FAM13A: variants seen among roughly 807,000 people sequenced by gnomAD.
FAM13A encodes family with sequence similarity 13 member A, also known as protein FAM13A.
In FAM13A, 76 loss-of-function variants were observed where a neutral mutation model predicts 129.6. The ratio of observed to expected loss-of-function variants is 0.59; its 90% confidence interval spans 0.49 to 0.71. The LOEUF is 0.71. FAM13A is among the 30% of genes least tolerant of loss of function. FAM13A has a pLI of 0.00. For missense variants in FAM13A, 1,108 were observed against 1,249.3 expected (o/e 0.89, Z 1.70); for synonymous variants, 443 against 449.9 (o/e 0.98, Z 0.20).
intron 6 of FAM13A, among the ~76,000 whole-genome samples, chr4:88,900,383 A>C (rs1747096341): frequency 6.6e-6 from 1 of 152,018 alleles, no homozygotes; most frequent in African/African-American, 2.4e-5. Flanking sequence ...AAAAATGTTA[A>C]GGGCAGCCAA....
At chr4:88,780,527 A>C (rs1270566834) in intron 11 of FAM13A, among the ~76,000 whole-genome samples, 1 of 152,164 alleles carries the variant, frequency 6.6e-6, no homozygotes, top group East Asian at 1.9e-4. Context: ...TTAAGGAAGA[A>C]GGATGATGAA....
At chr4:88,950,571 T>C (rs1038117193) in intron 4 of FAM13A, among the ~76,000 whole-genome samples, 2 of 152,182 alleles carry the variant, frequency 1.3e-5, no homozygotes, top group Admixed American at 6.5e-5. Context: ...ATCAATAGTA[T>C]AGAAGTAAGA....
At chr4:88,800,773 G>C (rs1245119674) in intron 8 of FAM13A, among the ~76,000 whole-genome samples, 1 of 151,374 alleles carries the variant, frequency 6.6e-6, no homozygotes, top group Non-Finnish European at 1.5e-5. Flanking sequence ...TTAATAAGTA[G>C]TTGTGTCTAA....
intron 1 of FAM13A, among the ~76,000 whole-genome samples, chr4:89,032,370 TG>T (rs1468057036): frequency 6.6e-6 from 1 of 152,186 alleles, no homozygotes; most frequent in African/African-American, 2.4e-5. Context: ...AGCATATTCA[TG>T]GGGGTGTGTG....
chr4:89,028,292 C>T (rs971509764), intron 2 of FAM13A, among the ~76,000 whole-genome samples: 2 of 151,132 alleles, frequency 1.3e-5, no homozygotes, highest in African/African-American at 4.9e-5. Flanking sequence ...CATGATTGGT[C>T]ACAGGTAAGA....
Position 88,781,262 on chromosome 4 carries a change from T to C in FAM13A, c.1361A>G (p.Lys454Arg). The change falls in exon 11 of 24, where the codon AAA becomes AGA. Residue 454 changes from lysine to arginine, a missense_variant. Lys to Arg is a conservative substitution (Grantham distance 26). Coordinates refer to ENST00000264344, the MANE Select transcript of FAM13A (RefSeq NM_014883.4). ...TTCTCCAGCACAACCAAAAGTATTT[T>C]TGTGTACCTTTTCGACTTCCTGAGT... The part of the protein sequence containing the change: ...LNTQEVEKVH[K>R]NTFGCAGERS... The C allele has an allele frequency of 6.2e-7, 1 of 1,613,060 alleles. No individual in the cohort carries two copies.
At chr4:88,875,127 T>C (rs1023473569) in intron 6 of FAM13A, among the ~76,000 whole-genome samples, 1 of 152,138 alleles carries the variant, frequency 6.6e-6, no homozygotes, top group African/African-American at 2.4e-5. Flanking sequence ...TTACATCTTA[T>C]ACAAAAATTA....
intron 21 of FAM13A, among the ~76,000 whole-genome samples, chr4:88,732,736 A>G (rs1033515805): frequency 6.6e-6 from 1 of 152,094 alleles, no homozygotes; most frequent in Non-Finnish European, 1.5e-5. Flanking sequence ...ACAAAATTTT[A>G]GGGAAATTTT....
chr4:88,916,873 C>G (rs1198371327), intron 5 of FAM13A, among the ~76,000 whole-genome samples: 1 of 151,930 alleles, frequency 6.6e-6, no homozygotes, highest in Non-Finnish European at 1.5e-5. Context: ...TAGTAACTTC[C>G]TTAATTGTTT....
chr4:88,772,614 A>G (rs2149571906), intron 11 of FAM13A, among the ~76,000 whole-genome samples: 1 of 152,338 alleles, frequency 6.6e-6, no homozygotes, highest in South Asian at 2.1e-4. Flanking sequence ...CAATAAACCC[A>G]TGGTAATTAG....
At chr4:88,767,283 TTTTG>T (rs1227584958) in intron 13 of FAM13A, among the ~76,000 whole-genome samples, 5 of 152,228 alleles carry the variant, frequency 3.3e-5, no homozygotes, top group Non-Finnish European at 7.3e-5. Flanking sequence ...TGGCTTTTTG[TTTTG>T]TTTTACTTTA....
chr4:89,001,272 G>A (rs1351668797), intron 3 of FAM13A, among the ~76,000 whole-genome samples: 1 of 152,162 alleles, frequency 6.6e-6, no homozygotes, highest in African/African-American at 2.4e-5. Flanking sequence ...GGAAACCTGG[G>A]TTTCCTGCCA....
intron 4 of FAM13A, among the ~76,000 whole-genome samples, chr4:88,954,885 C>CA (rs71598428): frequency 0.077 from 9,579 of 123,806 alleles, 481 homozygotes; most frequent in South Asian, 0.26. Flanking sequence ...GACTTCGTCT[C>CA]AAAAAAAAAA....
chr4:88,791,131 A>G (rs990463156), intron 8 of FAM13A, among the ~76,000 whole-genome samples: 1 of 152,072 alleles, frequency 6.6e-6, no homozygotes, highest in East Asian at 1.9e-4. Flanking sequence ...AGGAACCGAT[A>G]TTGTTTTCTA....
intron 5 of FAM13A, among the ~76,000 whole-genome samples, chr4:88,921,027 G>A (rs1311844722): frequency 6.6e-6 from 1 of 152,094 alleles, no homozygotes; most frequent in Non-Finnish European, 1.5e-5. Flanking sequence ...AATGAACAAA[G>A]CCCCCAAGAA....
At chr4:88,826,277 G>C (rs1408027886) in intron 7 of FAM13A, among the ~76,000 whole-genome samples, 3 of 148,722 alleles carry the variant, frequency 2.0e-5, no homozygotes, top group Non-Finnish European at 4.4e-5. Context: ...GTCCACAGAG[G>C]ATAGCCTGCA....
chr4:88,977,483 A>G (rs1302102684), intron 4 of FAM13A, among the ~76,000 whole-genome samples: 2 of 152,190 alleles, frequency 1.3e-5, no homozygotes, highest in South Asian at 2.1e-4. Flanking sequence ...TTCTCTTATC[A>G]GCACTAACCT....
chr4:88,981,236 A>T (rs1761630389), intron 4 of FAM13A, among the ~76,000 whole-genome samples: 1 of 152,192 alleles, frequency 6.6e-6, no homozygotes, highest in Non-Finnish European at 1.5e-5. Context: ...AATTATTAGA[A>T]ATTAAAGACA....
At chr4:89,039,442 A>G (rs772222164) in intron 1 of FAM13A, among the ~76,000 whole-genome samples, 7 of 152,250 alleles carry the variant, frequency 4.6e-5, no homozygotes, top group Non-Finnish European at 1.0e-4. Context: ...ATAATGTATC[A>G]ATATTGGCTC....
Sources: allele counts gnomAD v4.1 joint callset (sites outside exome capture counted in the v4.1 genomes callset), GRCh38; gene constraint gnomAD v4.1.1; transcripts MANE v1.5; gene names NCBI Gene and HGNC (gene_info 2026-07-23, HGNC 2026-07-21).